The following CDYL2 variants were observed in gnomAD, a reference collection of about 807,000 sequenced individuals.
The protein encoded by CDYL2 is chromodomain Y like 2.
Under a neutral mutation model 49.4 loss-of-function variants are expected in CDYL2, and 23 were observed. That is an observed-to-expected ratio of 0.47 (90% CI 0.34 to 0.66). The LOEUF is 0.66. Among genes scored for constraint, CDYL2 ranks in the 30% least tolerant of loss-of-function variants. The pLI is 0.01. For synonymous variants in CDYL2, 360 were observed against 268.8 expected, an observed-to-expected ratio of 1.34 and a Z score of -3.32; for missense variants, 678 against 656.4, an observed-to-expected ratio of 1.03 and a Z score of -0.36.
intron 2 of CDYL2, among the ~76,000 whole-genome samples, chr16:80,638,358 T>C (rs2142400667): frequency 6.6e-6 from 1 of 152,296 alleles, no homozygotes; most frequent in Admixed American, 6.5e-5. Context: ...TATAGGCGTG[T>C]GCCACCACAC....
At chr16:80,630,853 C>A (rs1414313218) in intron 3 of CDYL2, among the ~76,000 whole-genome samples, 1 of 152,152 alleles carries the variant, frequency 6.6e-6, no homozygotes, top group Non-Finnish European at 1.5e-5. Flanking sequence ...CAGCACCTCC[C>A]TCCCCACCCC....
chr16:80,690,134 AAATAAAAAAAT>A (rs911425264), intron 1 of CDYL2, among the ~76,000 whole-genome samples: 29 of 150,426 alleles, frequency 1.9e-4, no homozygotes, highest in African/African-American at 5.5e-4. Context: ...AATAAAAAAA[AAATAAAAAAAT>A]AAATAGAAAT....
intron 1 of CDYL2, among the ~76,000 whole-genome samples, chr16:80,702,615 TG>T (rs1387140607): frequency 6.6e-6 from 1 of 152,148 alleles, no homozygotes; most frequent in Non-Finnish European, 1.5e-5. Context: ...CTGGGTGTGG[TG>T]GCTCATGTCT....
At position 80,750,109 on chromosome 16, in the gene CDYL2, C is replaced by G. The variant is rs1567594478; in HGVS notation, c.24+54041G>C. 2.0e-5 allele frequency among the ~76,000 whole-genome samples: 3 copies of G among 151,964 alleles called. No individual in the cohort carries two copies. In the East Asian group the frequency reaches 5.8e-4, roughly 29 times the overall value. On this transcript the variant is annotated intron_variant, in intron 1 of 6. Transcript: ENST00000570137. Reference sequence around the variant, plus strand: ...GTGGGGTGGGGGGATGGGGGAGGGACAACATTAGGATATATACCTAATGTA... The same window carrying G: ...GTGGGGTGGGGGGATGGGGGAGGGAGAACATTAGGATATATACCTAATGTA...
chr16:80,606,168 G>A (rs4545832), intron 6 of CDYL2, among the ~76,000 whole-genome samples: 32,562 of 152,248 alleles, frequency 0.21, 3,648 homozygotes, highest in Middle Eastern at 0.32. Context: ...AGAGGCTGCA[G>A]GTGGTGGGAT....
At chr16:80,742,775 T>C (rs185839441) in intron 1 of CDYL2, among the ~76,000 whole-genome samples, 129 of 143,064 alleles carry the variant, frequency 9.0e-4, no homozygotes, top group Non-Finnish European at 1.5e-3. Flanking sequence ...GATTGATGGA[T>C]AGATGGGCAG....
At chr16:80,656,828 T>C (rs1371975603) in intron 2 of CDYL2, among the ~76,000 whole-genome samples, 1 of 151,854 alleles carries the variant, frequency 6.6e-6, no homozygotes, top group Admixed American at 6.6e-5. Flanking sequence ...GGAGGGAAGA[T>C]GTGGGTTCTT....
intron 1 of CDYL2, among the ~76,000 whole-genome samples, chr16:80,716,608 G>T (rs1483937457): frequency 6.6e-6 from 1 of 152,166 alleles, no homozygotes; most frequent in Non-Finnish European, 1.5e-5. Flanking sequence ...ATGGATAGAT[G>T]ATGAATGGCT....
In CDYL2 at chr16:80,791,423, C is replaced by T. The variant is rs1168328305; in HGVS notation, c.24+12727G>A. The stretch of plus-strand genomic sequence containing the variant: ...CTACAGATGAAACAAGACAGACAAT[C>T]ACTGCCCTCACAAAGCTTACAATGT... On this transcript the variant is annotated intron_variant, in intron 1 of 6. Transcript: ENST00000570137. Among the ~76,000 whole-genome samples the T allele has an allele frequency of 3.3e-5, 5 of 152,312 alleles. No individual in the cohort carries two copies. In the East Asian group the frequency reaches 9.6e-4, roughly 29 times the overall value.
At chr16:80,633,804 G>A (rs1157901040) in intron 2 of CDYL2, among the ~76,000 whole-genome samples, 2 of 152,152 alleles carry the variant, frequency 1.3e-5, no homozygotes, top group East Asian at 1.9e-4. Context: ...TCTTCCTCTC[G>A]CAAATCAATT....
At chr16:80,639,876 T>TA (rs1908005254) in intron 2 of CDYL2, 2 of 360,508 alleles carry the variant, frequency 5.5e-6, no homozygotes, top group Non-Finnish European at 1.1e-5. Flanking sequence ...AGCAAAAGCA[T>TA]ACCAAACTCA....
intron 5 of CDYL2, among the ~76,000 whole-genome samples, chr16:80,610,099 T>C (rs1036007416): frequency 5.3e-5 from 8 of 152,226 alleles, no homozygotes; most frequent in African/African-American, 1.9e-4. Flanking sequence ...TTGGTGATGT[T>C]ATTTTCAAAA....
intron 2 of CDYL2, among the ~76,000 whole-genome samples, chr16:80,679,124 A>C: frequency 1.8e-5 from 1 of 54,668 alleles, no homozygotes; most frequent in East Asian, 6.5e-4. Flanking sequence ...GGGTGGGGGG[A>C]GGGGGGAGGG....
chr16:80,788,218 A>G (rs1907497693), intron 1 of CDYL2, among the ~76,000 whole-genome samples: 1 of 152,250 alleles, frequency 6.6e-6, no homozygotes, highest in Admixed American at 6.5e-5. Context: ...AAAGTTGAGT[A>G]AAAGCCAACC....
chr16:80,636,451 A>G (rs890245093), intron 2 of CDYL2, among the ~76,000 whole-genome samples: 14 of 152,344 alleles, frequency 9.2e-5, no homozygotes, highest in South Asian at 8.3e-4. Context: ...AATACATGAA[A>G]AAAAGCTCAT....
intron 1 of CDYL2, among the ~76,000 whole-genome samples, chr16:80,768,050 T>C (rs1398388788): frequency 1.3e-5 from 2 of 152,184 alleles, no homozygotes; most frequent in African/African-American, 4.8e-5. Flanking sequence ...CCAGTTCATA[T>C]AAGCTAACAC....
chr16:80,634,719 G>C (rs1435192250), intron 2 of CDYL2, among the ~76,000 whole-genome samples: 1 of 152,050 alleles, frequency 6.6e-6, no homozygotes, highest in Non-Finnish European at 1.5e-5. Flanking sequence ...TGATAACTTA[G>C]ATGAAATTTC....
chr16:80,618,355 C>G (rs1906924735), intron 4 of CDYL2, among the ~76,000 whole-genome samples: 1 of 152,208 alleles, frequency 6.6e-6, no homozygotes, highest in African/African-American at 2.4e-5. Context: ...ATTTGGTTCT[C>G]AAGAGTCCAG....
intron 1 of CDYL2, among the ~76,000 whole-genome samples, chr16:80,778,661 T>G (rs1448634683): frequency 3.3e-5 from 5 of 152,054 alleles, no homozygotes; most frequent in Non-Finnish European, 7.4e-5. Context: ...AAGTTACGTA[T>G]AAGTTTAGTA....
Sources: allele counts gnomAD v4.1 joint callset (sites outside exome capture counted in the v4.1 genomes callset), GRCh38; gene constraint gnomAD v4.1.1; transcripts MANE v1.5; gene names NCBI Gene and HGNC (gene_info 2026-07-23, HGNC 2026-07-21).